The following KDM6A variants were observed in gnomAD, a reference collection of about 807,000 sequenced individuals.
KDM6A encodes lysine-specific demethylase 6A.
KDM6A carries 11 observed loss-of-function variants against 117.6 expected under a neutral mutation model. That is an observed-to-expected ratio of 0.09 (90% CI 0.06 to 0.15). The LOEUF is 0.15. KDM6A is among the 10% of genes least tolerant of loss of function. KDM6A has a pLI of 1.00. For missense variants in KDM6A, 799 were observed against 1,077.3 expected, an observed-to-expected ratio of 0.74 and a Z score of 3.62; for synonymous variants, 384 against 396.1, an observed-to-expected ratio of 0.97 and a Z score of 0.36.
intron 2 of KDM6A, among the ~76,000 whole-genome samples, chrX:44,947,193 T>G (rs936049938): frequency 9.0e-6 from 1 of 110,598 alleles, no homozygotes; most frequent in Non-Finnish European, 1.9e-5. Flanking sequence ...ATATACTGAG[T>G]TTTTGAATAT....
intron 2 of KDM6A, among the ~76,000 whole-genome samples, chrX:44,899,911 C>G (rs1431181380): frequency 9.0e-6 from 1 of 111,561 alleles, no homozygotes; most frequent in Non-Finnish European, 1.9e-5. Context: ...GTGACAAAAT[C>G]ACAACATATC....
intron 2 of KDM6A, among the ~76,000 whole-genome samples, chrX:44,932,794 T>G (rs147335052): frequency 0.038 from 4,252 of 111,557 alleles, 219 homozygotes; most frequent in African/African-American, 0.13. Flanking sequence ...TCTATGAGAC[T>G]TATCGTGAAA....
chrX:44,922,909 A>G (rs1361810620), intron 2 of KDM6A, among the ~76,000 whole-genome samples: 2 of 100,717 alleles, frequency 2.0e-5, no homozygotes. Flanking sequence ...AACGACTTTA[A>G]GTTCTTAAGT....
chrX:44,967,713 C>G (rs2039103168), intron 3 of KDM6A, among the ~76,000 whole-genome samples: 1 of 112,249 alleles, frequency 8.9e-6, no homozygotes, highest in South Asian at 3.6e-4. Context: ...ATTTTGCTCT[C>G]ATCTACTTTC....
chrX:45,031,550 C>T (rs1271127151), intron 6 of KDM6A, among the ~76,000 whole-genome samples: 1 of 111,769 alleles, frequency 8.9e-6, no homozygotes, highest in Non-Finnish European at 1.9e-5. Context: ...TTCTGGTTTG[C>T]AGGTTGTTGC....
chrX:44,984,348 C>T (rs2040079844), intron 4 of KDM6A, among the ~76,000 whole-genome samples: 1 of 111,241 alleles, frequency 9.0e-6, no homozygotes, highest in Non-Finnish European at 1.9e-5. Context: ...AAATTTTCTC[C>T]CATTTTGTGG....
intron 4 of KDM6A, among the ~76,000 whole-genome samples, chrX:45,002,866 C>T (rs376770831): frequency 1.5e-5 from 1 of 66,729 alleles, no homozygotes; most frequent in Non-Finnish European, 2.7e-5. Context: ...TCCCCGCCCC[C>T]CCCCCCCTTT....
chrX:45,053,396 TACTCCAGCCTGG>T (rs1456453423), intron 9 of KDM6A, among the ~76,000 whole-genome samples: 1 of 111,497 alleles, frequency 9.0e-6, no homozygotes, highest in African/African-American at 3.3e-5. Context: ...CATGCCACTG[TACTCCAGCCTGG>T]CAAAAGAGCG....
intron 10 of KDM6A, among the ~76,000 whole-genome samples, chrX:45,058,805 C>G (rs774275721): frequency 9.0e-6 from 1 of 110,572 alleles, no homozygotes; most frequent in Non-Finnish European, 1.9e-5. Flanking sequence ...ATAAGACAGA[C>G]TATAATATGG....
At chrX:44,985,978 G>A (rs1333697546) in intron 4 of KDM6A, among the ~76,000 whole-genome samples, 1 of 111,962 alleles carries the variant, frequency 8.9e-6, no homozygotes, top group Non-Finnish European at 1.9e-5. Context: ...AGTTTCAGAA[G>A]GAATGGTACC....
At chrX:45,045,588 GAAAAAA>G (rs569636939) in intron 8 of KDM6A, among the ~76,000 whole-genome samples, 8 of 35,668 alleles carry the variant, frequency 2.2e-4, no homozygotes, top group Non-Finnish European at 2.9e-4. Flanking sequence ...TCTGTCTCAA[GAAAAAA>G]AAAAAAAAAA....
In KDM6A at chrX:45,015,018, A is replaced by G. The variant is rs187766719; in HGVS notation, c.443+3999A>G. On this transcript the variant is annotated intron_variant, in intron 5 of 29. Coordinates refer to ENST00000611820, the MANE Select transcript of KDM6A (RefSeq NM_001291415.2). ...AAAAGGATTAGGAGAATGAGGTAGA[A>G]ATGAATTCAGAAAGACAGAAATATT... Among the ~76,000 whole-genome samples, 124 of 112,478 alleles carry G rather than the reference A, an allele frequency of 1.1e-3. No homozygotes were observed. In the Middle Eastern group the frequency reaches 0.019, roughly 17 times the overall value.
At chrX:45,015,532 T>C (rs2041927907) in intron 5 of KDM6A, among the ~76,000 whole-genome samples, 1 of 111,339 alleles carries the variant, frequency 9.0e-6, no homozygotes, top group South Asian at 3.8e-4. Flanking sequence ...AGAAAAAGAA[T>C]AGTGGTTTTA....
intron 2 of KDM6A, among the ~76,000 whole-genome samples, chrX:44,918,327 G>GCTA (rs200225580): frequency 0.011 from 1,204 of 111,322 alleles, 6 homozygotes; most frequent in Non-Finnish European, 0.018. Flanking sequence ...ACTACTGTGT[G>GCTA]CTACTTCATT....
At chrX:45,050,410 G>GGT (rs200417650) in intron 8 of KDM6A, among the ~76,000 whole-genome samples, 3 of 111,195 alleles carry the variant, frequency 2.7e-5, no homozygotes, top group Admixed American at 1.9e-4. Flanking sequence ...TTATGTTAGC[G>GGT]GTGTGTGTGT....
intron 18 of KDM6A, among the ~76,000 whole-genome samples, chrX:45,071,731 GTTTTCTTTTC>G (rs1383483903): frequency 2.1e-5 from 1 of 47,475 alleles, no homozygotes; most frequent in Non-Finnish European, 4.7e-5. Flanking sequence ...TTTGGTCTGT[GTTTTCTTTTC>G]TTTTCTTGTC....
intron 4 of KDM6A, among the ~76,000 whole-genome samples, chrX:44,979,267 G>GT (rs1362804029): frequency 2.7e-5 from 3 of 111,287 alleles, no homozygotes; most frequent in Admixed American, 9.6e-5. Flanking sequence ...GCCCATTCTT[G>GT]TTTTTTCTTC....
intron 7 of KDM6A, 24 bp downstream of exon 7, chrX:45,035,009 T>A (rs2042748611): frequency 9.4e-7 from 1 of 1,059,882 alleles, no homozygotes; most frequent in African/African-American, 1.8e-5. Flanking sequence ...AGTACTGTAG[T>A]TTTCTACATG....
intron 2 of KDM6A, among the ~76,000 whole-genome samples, chrX:44,904,847 G>A (rs2034549740): frequency 8.9e-6 from 1 of 111,907 alleles, no homozygotes; most frequent in Non-Finnish European, 1.9e-5. Flanking sequence ...AAAGCTTTCT[G>A]TTTTTACTAA....
Sources: gnomAD v4.1 joint callset for allele counts (sites outside exome capture counted in the v4.1 genomes callset) on GRCh38, gnomAD v4.1.1 for gene constraint, MANE v1.5 for transcripts, NCBI Gene and HGNC (gene_info 2026-07-23, HGNC 2026-07-21) for gene names.